The following TRAF7 variants were observed in gnomAD, a reference collection of about 807,000 sequenced individuals.
The protein encoded by TRAF7 is E3 ubiquitin-protein ligase TRAF7.
Under a neutral mutation model 89.3 loss-of-function variants are expected in TRAF7, and 45 were observed. The observed-to-expected ratio is 0.50, with a 90% CI of 0.40 to 0.65. The LOEUF (loss-of-function observed/expected upper bound fraction) is 0.65. Ranked by LOEUF, TRAF7 falls within the 30% of genes least tolerant of loss-of-function variation. The probability of loss-of-function intolerance (pLI) is 0.00; values close to 1 mark genes in which losing one functional copy is unlikely to be tolerated. For synonymous variants in TRAF7, 406 were observed against 369.2 expected (o/e 1.10, Z -1.14); for missense variants, 677 against 918.1 (o/e 0.74, Z 3.39).
In TRAF7 at chr16:2,175,688, C is replaced by T. The variant is rs2093132662; in HGVS notation, c.1626+66C>T. The T allele has an allele frequency of 2.5e-6, 4 of 1,593,582 alleles. No individual in the cohort carries two copies. The African/African-American group carries it at 4.0e-5, about 16-fold the overall frequency. On this transcript the variant is annotated intron_variant, in intron 17 of 20. Transcript: ENST00000326181. Reference sequence around the variant, plus strand: ...CTACCAGCACTTCCCAGGCCAGCACCTGGGGCTCCATCTGCCCTGTTCCTA... The same window carrying T: ...CTACCAGCACTTCCCAGGCCAGCACTTGGGGCTCCATCTGCCCTGTTCCTA...
chr16:2,166,593 G>A lies in TRAF7; in HGVS notation c.139+657G>A, dbSNP rs560619425. 1.1e-4 allele frequency among the ~76,000 whole-genome samples: 17 copies of A among 152,256 alleles called. No individual in the cohort carries two copies. In the South Asian group the frequency reaches 3.5e-3, roughly 32 times the overall value. ...TTTTTTTTATGTTTGGTAGAGATGA[G>A]GTCTCACCATGTTGCCCAGGATGGT... On this transcript the variant is annotated intron_variant, in intron 3 of 20. Coordinates refer to ENST00000326181, the MANE Select transcript of TRAF7 (RefSeq NM_032271.3).
At position 2,165,658 on chromosome 16, in the gene TRAF7, C is replaced by G. The variant is rs576867376; in HGVS notation, c.82-221C>G. Among the ~76,000 whole-genome samples, 128 of 135,822 alleles carry G rather than the reference C, an allele frequency of 9.4e-4. No individual in the cohort carries two copies. The South Asian group carries it at 0.029, about 31-fold the overall frequency. The allele number at this position is 135,822 out of a possible 152,430, so 89.1% of individuals were successfully genotyped here. A position where few individuals can be genotyped will look rare whatever the true frequency, so the allele number is the denominator to read the frequency against. ...GTTAAGCGTGTGAGTGCTGCGTGGC[C>G]TGGCCTGGTCGCATGGTTAAGCGTG... On this transcript the variant is annotated intron_variant, in intron 2 of 20. Coordinates refer to ENST00000326181, the MANE Select transcript of TRAF7 (RefSeq NM_032271.3).
chr16:2,172,356 T>C lies in TRAF7; in HGVS notation c.641T>C (p.Ile214Thr). ...EVDPRGCPFTIKLSARKDHEG... is the reference protein window; with the variant it reads ...EVDPRGCPFTTKLSARKDHEG... ...GACCCCCGAGGGTGCCCCTTCACCA[T>C]CAAGCTCAGCGCCCGGAAGTAAGTG... The change falls in exon 8 of 21, where the codon ATC becomes ACC. Residue 214 changes from isoleucine to threonine, a missense_variant. By Grantham distance (89) the Ile-to-Thr change is moderately conservative. This residue lies in a region of TRAF7 where 238 missense variants were observed against 352.6 expected (regional missense o/e 0.67). Transcript: ENST00000326181. The C allele has an allele frequency of 6.2e-7, 1 of 1,612,142 alleles. No homozygotes were observed. The highest frequency in any genetic ancestry group is 1.3e-5 in the African/African-American group (1 of 75,030).
At chr16:2,164,715 G>A (rs1264593566) in intron 2 of TRAF7, among the ~76,000 whole-genome samples, 7 of 105,660 alleles carry the variant, frequency 6.6e-5, no homozygotes, top group African/African-American at 1.1e-4. Context: ...GCTGCGTGGC[G>A]CGGCCTGGTC....
At chr16:2,160,322 C>A (rs531599591) in intron 1 of TRAF7, among the ~76,000 whole-genome samples, 1 of 152,146 alleles carries the variant, frequency 6.6e-6, no homozygotes, top group African/African-American at 2.4e-5. Flanking sequence ...AAGGTCAGCA[C>A]TGGCCTTCCC....
rs1334050923 is a variant in TRAF7, at chr16:2,171,314, C to T, written c.399C>T (p.Leu133=). The T allele has an allele frequency of 1.3e-6, 2 of 1,556,094 alleles. No homozygotes were observed. Among genetic ancestry groups the T allele is most frequent in the Middle Eastern group, 1.7e-4 (1 of 5,992 alleles). ...CCTCGGTGAAGCTGTGCTGTCAGCT[C>T]TGCTGCAGCGTCTTCAAAGACCCCG... ...EQPSVKLCCQ[L]CCSVFKDPVI... The change falls in exon 6 of 21, where the codon CTC becomes CTT. Residue 133 remains leucine, a synonymous_variant. Transcript: ENST00000326181.
At chr16:2,164,182 A>C (rs1180563004) in intron 2 of TRAF7, among the ~76,000 whole-genome samples, 181 bp downstream of exon 2, 1 of 101,672 alleles carries the variant, frequency 9.8e-6, no homozygotes, top group South Asian at 3.1e-4. Context: ...GCGCGCGCGC[A>C]CGCGTGCGTG....
intron 7 of TRAF7, among the ~76,000 whole-genome samples, 194 bp from the exon 8 acceptor site, chr16:2,171,997 G>C (rs997139514): frequency 6.6e-6 from 1 of 152,130 alleles, no homozygotes; most frequent in African/African-American, 2.4e-5. Flanking sequence ...TCCGGGCACA[G>C]CTGAGTGTCA....
At chr16:2,176,504 C>T in intron 20 of TRAF7, 56 bp from the exon 21 acceptor site, 3 of 1,612,872 alleles carry the variant, frequency 1.9e-6, no homozygotes, top group Non-Finnish European at 2.5e-6. Context: ...GCAGGTGTGG[C>T]TGGGGCAGGG....
At position 2,167,090 on chromosome 16, in the gene TRAF7, C is replaced by G. The variant is rs533289164; in HGVS notation, c.140-987C>G. Reference sequence around the variant, plus strand: ...CCCTCAGGGGCTCTCCAGGGGCCCTCTTTTTTTTTCTAATCCTACCCCCCA... The same window carrying G: ...CCCTCAGGGGCTCTCCAGGGGCCCTGTTTTTTTTTCTAATCCTACCCCCCA... On this transcript the variant is annotated intron_variant, in intron 3 of 20. Coordinates refer to ENST00000326181, the MANE Select transcript of TRAF7 (RefSeq NM_032271.3). 4.3e-4 allele frequency among the ~76,000 whole-genome samples: 66 copies of G among 151,764 alleles called. 1 individual carries two copies. The highest frequency in any genetic ancestry group is 7.5e-4 in the Non-Finnish European group (51 of 67,828).
At position 2,159,699 on chromosome 16, in the gene TRAF7, C is replaced by T. The variant is rs188390786; in HGVS notation, c.-39+3841C>T. On this transcript the variant is annotated intron_variant, in intron 1 of 20. Coordinates refer to ENST00000326181, the MANE Select transcript of TRAF7 (RefSeq NM_032271.3). The surrounding 1 kb of genome is among the most constrained non-coding windows in gnomAD (Gnocchi z 6.5). ...CAGGCGGGGCGGAGGCTTCTGGAGC[C>T]GTCCCAGGCTCCTCCCAGGGCAGTT... Among the ~76,000 whole-genome samples the T allele has an allele frequency of 3.3e-5, 5 of 152,320 alleles. No individual in the cohort carries two copies. The East Asian group carries it at 5.8e-4, about 18-fold the overall frequency.
At position 2,171,656 on chromosome 16, in the gene TRAF7, C is replaced by T. The variant is rs185920179; in HGVS notation, c.475+51C>T. The T allele has an allele frequency of 6.3e-5, 102 of 1,612,248 alleles. No homozygotes were observed. In the African/African-American group the frequency reaches 9.3e-4, roughly 15 times the overall value. On this transcript the variant is annotated intron_variant, in intron 7 of 20. Transcript: ENST00000326181. The stretch of plus-strand genomic sequence containing the variant: ...TGACGCCGACCGTGCCCATGGCTGC[C>T]GAGCAGAGGCGGGCGGCTTCTCCCT...
Position 2,176,772 on chromosome 16 carries a change from CCT to C in TRAF7, c.*203_*204del, listed in dbSNP as rs1427915247. 2.6e-6 allele frequency: 2 copies of C among 767,900 alleles called. No homozygotes were observed. The highest frequency in any genetic ancestry group is 2.7e-5 in the East Asian group (1 of 37,078). The allele number at this position is 767,900 out of a possible 1,614,324, so 47.6% of individuals were successfully genotyped here. On this transcript the variant is annotated 3_prime_UTR_variant, in exon 21 of 21. Coordinates refer to ENST00000326181, the MANE Select transcript of TRAF7 (RefSeq NM_032271.3). ...TCGGCACTGTCCTTGCTGCCCAGCC[CCT>C]CTCTGGGTGCCAGGTACGACGCTTG... is the stretch of plus-strand genomic sequence containing the variant.
chr16:2,167,117 A>G (rs2093089627), intron 3 of TRAF7, among the ~76,000 whole-genome samples: 1 of 152,066 alleles, frequency 6.6e-6, no homozygotes, highest in Non-Finnish European at 1.5e-5. Context: ...TACCCCCCAA[A>G]AAACGGTGCC....
At chr16:2,160,818 A>T (rs543948605) in intron 1 of TRAF7, among the ~76,000 whole-genome samples, 1 of 152,008 alleles carries the variant, frequency 6.6e-6, no homozygotes, top group African/African-American at 2.4e-5. Context: ...AGCCTCGATG[A>T]CTGTGGGGTG....
chr16:2,164,137 GT>G, intron 2 of TRAF7, 136 bp downstream of exon 2: 2 of 666,198 alleles, frequency 3.0e-6, no homozygotes, highest in Non-Finnish European at 2.5e-6. Context: ...GGGGGGGGGT[GT>G]GGTGTGTGTG....
rs371460998 is a variant in TRAF7, at chr16:2,172,261, G to A, written c.546G>A (p.Gly182=). The change falls in exon 8 of 21, where the codon GGG becomes GGA. Residue 182 remains glycine, a synonymous_variant. Coordinates refer to ENST00000326181, the MANE Select transcript of TRAF7 (RefSeq NM_032271.3). ...ACATCGCGGTGGCCGAGCAGATCGG[G>A]GAGCTCTTCATCCACTGCCGGCACG... ...VNNIAVAEQI[G]ELFIHCRHGC... is the part of the protein sequence containing the mutation. The A allele has an allele frequency of 1.9e-4, 314 of 1,612,870 alleles. No homozygotes were observed. Among genetic ancestry groups the A allele is most frequent in the Non-Finnish European group, 2.4e-4 (281 of 1,180,002 alleles).
chr16:2,164,160 G>GCA (rs71388235), intron 2 of TRAF7, among the ~76,000 whole-genome samples, 159 bp downstream of exon 2: 4 of 66,016 alleles, frequency 6.1e-5, no homozygotes, highest in Non-Finnish European at 1.2e-4. Flanking sequence ...GTGTGTGTGT[G>GCA]CGCGCGCGCG....
rs747867732 is a variant in TRAF7, at chr16:2,168,216, TC to T, written c.231+50del. The stretch of plus-strand genomic sequence containing the variant: ...CCGTGTGAGCCTCAGCCTCCCCCCA[TC>T]CTCCCTCCTGGGGGAACCAGGTCCC... On this transcript the variant is annotated intron_variant, in intron 4 of 20. Coordinates refer to ENST00000326181, the MANE Select transcript of TRAF7 (RefSeq NM_032271.3). The surrounding 1 kb of genome is among the most constrained non-coding windows in gnomAD (Gnocchi z 4.1). 3 of 1,498,866 alleles carry T rather than the reference TC, an allele frequency of 2.0e-6. No individual in the cohort carries two copies. Among genetic ancestry groups the T allele is most frequent in the Non-Finnish European group, 2.7e-6 (3 of 1,099,182 alleles). The allele number at this position is 1,498,866 out of a possible 1,614,324, so 92.8% of individuals were successfully genotyped here.
Sources: gnomAD v4.1 joint callset for allele counts (sites outside exome capture counted in the v4.1 genomes callset) on GRCh38, gnomAD v4.1.1 for gene constraint, gnomAD v4.1.1 regional missense constraint, Gnocchi (gnomAD v3.1) non-coding constraint, MANE v1.5 for transcripts, NCBI Gene and HGNC (gene_info 2026-07-23, HGNC 2026-07-21) for gene names.